LOXHD1: variants seen among roughly 807,000 people sequenced by gnomAD.
LOXHD1 encodes the protein lipoxygenase homology domain-containing protein 1.
A neutral mutation model predicts 248.2 loss-of-function variants in LOXHD1; 205 were observed. That is an observed-to-expected ratio of 0.83 (90% CI 0.74 to 0.93). The LOEUF is 0.93. Ranked by LOEUF, LOXHD1 falls within the 40% of genes least tolerant of loss-of-function variation. The probability of loss-of-function intolerance (pLI) is 0.00; values close to 1 mark genes in which losing one functional copy is unlikely to be tolerated. For missense variants in LOXHD1, 2,930 were observed against 2,971.6 expected (o/e 0.99, Z 0.33); for synonymous variants, 1,113 against 1,162.8 (o/e 0.96, Z 0.87).
intron 21 of LOXHD1, 147 bp from the exon 22 acceptor site, chr18:46,547,205 A>C (rs2036887020): frequency 1.1e-6 from 1 of 932,554 alleles, no homozygotes; most frequent in African/African-American, 1.6e-5. Flanking sequence ...TATTCTACCC[A>C]GCCTGGGAAT....
intron 21 of LOXHD1, among the ~76,000 whole-genome samples, chr18:46,550,756 ATGTT>A (rs1224948984): frequency 1.3e-5 from 2 of 152,100 alleles, no homozygotes; most frequent in African/African-American, 4.8e-5. Flanking sequence ...TGAGAAATAA[ATGTT>A]TGTTGTGTTA....
At chr18:46,523,797 T>C (rs1338988499) in intron 31 of LOXHD1, among the ~76,000 whole-genome samples, 1 of 152,228 alleles carries the variant, frequency 6.6e-6, no homozygotes, top group East Asian at 1.9e-4. Context: ...CTATCACTCA[T>C]TTACAGAGTG....
At position 46,657,161 on chromosome 18, in the gene LOXHD1, C is replaced by CAGAG; in HGVS notation, c.-132_-129dup. ...TCCTATAGCTCAGGCCTGGGTGGGCCAGAGTGCCCCGTTTTCTTGGCTTCC... is the reference window on the plus strand; with the variant it reads ...TCCTATAGCTCAGGCCTGGGTGGGCCAGAGAGAGTGCCCCGTTTTCTTGGCTTCC... On this transcript the variant is annotated 5_prime_UTR_variant, in exon 1 of 41. Transcript: ENST00000642948. The CAGAG allele has an allele frequency of 1.4e-6, 2 of 1,453,818 alleles. No homozygotes were observed. The highest frequency in any genetic ancestry group is 1.8e-6 in the Non-Finnish European group (2 of 1,085,550). 90.1% of individuals were successfully genotyped at this position (1,453,818 alleles called of 1,614,324 possible).
At chr18:46,560,048 T>TGCCAGCC in intron 19 of LOXHD1, 35 bp downstream of exon 19, 13 of 1,226,298 alleles carry the variant, frequency 1.1e-5, no homozygotes, top group East Asian at 2.8e-5. Flanking sequence ...GTCTGGCCAC[T>TGCCAGCC]CCCTCCCCAC....
chr18:46,534,480 T>C (rs2036218098), intron 26 of LOXHD1, 29 bp from the exon 27 acceptor site: 2 of 1,510,480 alleles, frequency 1.3e-6, no homozygotes, highest in Non-Finnish European at 1.8e-6. Flanking sequence ...GCACTGAATG[T>C]TAGCTGAAAG....
intron 13 of LOXHD1, 89 bp from the exon 14 acceptor site, chr18:46,577,956 A>G (rs1281994654): frequency 7.0e-7 from 1 of 1,423,442 alleles, no homozygotes; most frequent in African/African-American, 1.4e-5. Flanking sequence ...ATATCAGAAA[A>G]TCCAGAGCTG....
At chr18:46,518,294 C>T in intron 33 of LOXHD1, 38 bp from the exon 34 acceptor site, 3 of 1,545,302 alleles carry the variant, frequency 1.9e-6, no homozygotes, top group Non-Finnish European at 2.6e-6. Flanking sequence ...GTCTCAGCCT[C>T]ACCCTCCAAC....
chr18:46,555,494 G>T, intron 21 of LOXHD1: 2 of 197,114 alleles, frequency 1.0e-5, no homozygotes, highest in Non-Finnish European at 2.1e-5. Context: ...GGAGGGTGGG[G>T]TGGGAGATGG....
At chr18:46,614,807 C>T (rs1049506220) in intron 5 of LOXHD1, among the ~76,000 whole-genome samples, 6 of 151,772 alleles carry the variant, frequency 4.0e-5, no homozygotes, top group African/African-American at 1.2e-4. Context: ...CTTAATTTAT[C>T]AGCCTGATTT....
At chr18:46,537,035 T>C (rs1315891235) in intron 26 of LOXHD1, among the ~76,000 whole-genome samples, 2 of 152,230 alleles carry the variant, frequency 1.3e-5, no homozygotes, top group Non-Finnish European at 2.9e-5. Flanking sequence ...TCAAGCCACA[T>C]GCTTATTTCC....
intron 12 of LOXHD1, among the ~76,000 whole-genome samples, chr18:46,584,087 A>G (rs1192412748): frequency 6.6e-6 from 1 of 152,200 alleles, no homozygotes; most frequent in African/African-American, 2.4e-5. Flanking sequence ...TAAGTGAAAT[A>G]AGCCAGACGC....
intron 14 of LOXHD1, among the ~76,000 whole-genome samples, chr18:46,572,613 G>A (rs1249032368): frequency 6.6e-6 from 1 of 152,162 alleles, no homozygotes; most frequent in African/African-American, 2.4e-5. Flanking sequence ...ACTGTCAAAA[G>A]TCTGTCCTGA....
intron 4 of LOXHD1, among the ~76,000 whole-genome samples, chr18:46,618,863 T>C (rs1009254220): frequency 3.9e-5 from 6 of 152,178 alleles, no homozygotes; most frequent in Admixed American, 6.5e-5. Flanking sequence ...GAGGCACCAA[T>C]AGTGGCTGGC....
intron 9 of LOXHD1, 30 bp from the exon 10 acceptor site, chr18:46,593,790 C>G (rs1234642867): frequency 1.3e-6 from 2 of 1,550,098 alleles, no homozygotes; most frequent in Non-Finnish European, 1.7e-6. Context: ...GCACCATAAA[C>G]TTCAGGAAGT....
intron 12 of LOXHD1, among the ~76,000 whole-genome samples, chr18:46,581,525 T>C (rs549993145): frequency 1.9e-4 from 29 of 152,242 alleles, no homozygotes; most frequent in Admixed American, 5.2e-4. Flanking sequence ...AGGGTCAGGA[T>C]TGGTGATATG....
At chr18:46,622,900 A>G (rs1391493173) in intron 4 of LOXHD1, among the ~76,000 whole-genome samples, 3 of 152,206 alleles carry the variant, frequency 2.0e-5, no homozygotes, top group African/African-American at 7.2e-5. Context: ...GATTGAGAGT[A>G]AGGAGCAGAA....
chr18:46,654,577 AT>A (rs1379189172), intron 1 of LOXHD1, among the ~76,000 whole-genome samples: 1 of 152,222 alleles, frequency 6.6e-6, no homozygotes, highest in Non-Finnish European at 1.5e-5. Context: ...TTATTGGGGA[AT>A]CCCAGGGTAG....
chr18:46,615,106 C>T (rs1276910947), intron 5 of LOXHD1, among the ~76,000 whole-genome samples: 1 of 152,172 alleles, frequency 6.6e-6, no homozygotes, highest in African/African-American at 2.4e-5. Flanking sequence ...GGCTTGGACC[C>T]CAGCCTCTTT....
chr18:46,548,227 G>T (rs1353919858), intron 21 of LOXHD1, among the ~76,000 whole-genome samples: 1 of 103,590 alleles, frequency 9.7e-6, no homozygotes, highest in Admixed American at 8.3e-5. Context: ...CTCTAAGTTG[G>T]GGCCATTCCA....
Sources: gnomAD v4.1 joint callset for allele counts (sites outside exome capture counted in the v4.1 genomes callset) on GRCh38, gnomAD v4.1.1 for gene constraint, MANE v1.5 for transcripts, NCBI Gene and HGNC (gene_info 2026-07-23, HGNC 2026-07-21) for gene names.